RASA2: variants seen among roughly 807,000 people sequenced by gnomAD.
RASA2 encodes the protein RAS p21 protein activator 2.
RASA2 carries 155 observed loss-of-function variants against 118.2 expected under a neutral mutation model. That is an observed-to-expected ratio of 1.31 (90% CI 1.15 to 1.50). The LOEUF (loss-of-function observed/expected upper bound fraction) is 1.50. Among genes scored for constraint, RASA2 ranks in the 40% most tolerant of loss-of-function variants. The pLI is 0.00. For synonymous variants in RASA2, 353 were observed against 349.1 expected, an observed-to-expected ratio of 1.01 and a Z score of -0.12; for missense variants, 1,016 against 1,009.6, an observed-to-expected ratio of 1.01 and a Z score of -0.09.
At chr3:141,573,007 T>C (rs2082948838) in intron 12 of RASA2, 140 bp from the exon 13 acceptor site, 2 of 723,518 alleles carry the variant, frequency 2.8e-6, no homozygotes, top group Non-Finnish European at 4.4e-6. Context: ...AAATTGTATA[T>C]GTTATCCCTG....
chr3:141,609,821 T>C (rs1311653872), intron 22 of RASA2, 56 bp from the exon 23 acceptor site: 8 of 1,439,644 alleles, frequency 5.6e-6, no homozygotes, highest in Non-Finnish European at 7.4e-6. Context: ...GTACTACATA[T>C]TGCATTTATA....
chr3:141,554,191 A>C (rs2082615348), intron 6 of RASA2, among the ~76,000 whole-genome samples: 1 of 152,226 alleles, frequency 6.6e-6, no homozygotes, highest in South Asian at 2.1e-4. Context: ...CTTCAGTTTT[A>C]TACTAGTACA....
At chr3:141,541,314 A>T (rs929859402) in intron 5 of RASA2, among the ~76,000 whole-genome samples, 25 of 152,086 alleles carry the variant, frequency 1.6e-4, no homozygotes, top group Non-Finnish European at 3.1e-4. Context: ...TAGAGTAGAT[A>T]TTACTCTCCT....
chr3:141,602,735 A>T (rs892283927), intron 19 of RASA2, among the ~76,000 whole-genome samples: 2 of 152,176 alleles, frequency 1.3e-5, no homozygotes, highest in African/African-American at 4.8e-5. Context: ...CAACAAATGA[A>T]TTGAGCAGGC....
chr3:141,510,879 G>C (rs1009918774), intron 1 of RASA2, among the ~76,000 whole-genome samples: 1 of 152,236 alleles, frequency 6.6e-6, no homozygotes, highest in Non-Finnish European at 1.5e-5. Context: ...AAGTGAAATG[G>C]TGTGGTATTG....
chr3:141,560,945 T>G (rs2082721680), intron 9 of RASA2, among the ~76,000 whole-genome samples: 2 of 152,204 alleles, frequency 1.3e-5, no homozygotes, highest in African/African-American at 4.8e-5. Context: ...CCTAGAGCAG[T>G]TATCACTTGT....
chr3:141,601,048 C>T (rs1481764856), intron 19 of RASA2, among the ~76,000 whole-genome samples: 3 of 152,006 alleles, frequency 2.0e-5, no homozygotes, highest in South Asian at 4.1e-4. Context: ...AAAGAAAAGG[C>T]TTTTTAACAT....
At position 141,555,906 on chromosome 3, in the gene RASA2, T is replaced by A. The variant is rs774825961; in HGVS notation, c.678T>A (p.Tyr226Ter). The change falls in exon 7 of 24, where the codon TAT (tyrosine) becomes TAA (stop). Residue 226 changes from tyrosine (Y) to a stop codon, truncating the protein, a stop_gained. Coordinates refer to ENST00000286364, the MANE Select transcript of RASA2 (RefSeq NM_006506.5). LOFTEE classifies it high-confidence loss of function. Reference sequence around the variant, plus strand: ...ATCCGCAGTTTAATGAAATCTTTTATTTTGAGGTAATTTTTTGTTTTACGT... The same window carrying A: ...ATCCGCAGTTTAATGAAATCTTTTAATTTGAGGTAATTTTTTGTTTTACGT... ...TSNPQFNEIFYFEVTRSSSYT... is the reference protein window; with the variant it reads ...TSNPQFNEIF The A allele has an allele frequency of 6.2e-7, 1 of 1,605,222 alleles. No individual in the cohort carries two copies.
Position 141,580,069 on chromosome 3 carries a change from GA to G in RASA2, c.1591-282del, listed in dbSNP as rs1165547118. 0.048 allele frequency among the ~76,000 whole-genome samples: 3,202 copies of G among 67,204 alleles called. 58 individuals are homozygous for G. Among genetic ancestry groups the G allele is most frequent in the South Asian group, 0.084 (121 of 1,438 alleles). The allele number at this position is 67,204 out of a possible 152,430, so 44.1% of individuals were successfully genotyped here. On this transcript the variant is annotated intron_variant, in intron 15 of 23. Transcript: ENST00000286364. ...AGACTCCATCTCAGGAAAAAAAAAA[GA>G]AAAAAAAAAAAAAAAATATATATAT... is the stretch of plus-strand genomic sequence containing the variant.
intron 1 of RASA2, among the ~76,000 whole-genome samples, chr3:141,501,645 T>C (rs1315506760): frequency 6.6e-6 from 1 of 152,230 alleles, no homozygotes; most frequent in Non-Finnish European, 1.5e-5. Flanking sequence ...TATATGTTTT[T>C]ATAATTATGC....
intron 1 of RASA2, among the ~76,000 whole-genome samples, chr3:141,487,922 C>T (rs1252510432): frequency 1.3e-5 from 2 of 152,186 alleles, no homozygotes; most frequent in Non-Finnish European, 2.9e-5. Flanking sequence ...ACAGGCGGGA[C>T]TAAAGGCAGG....
At chr3:141,556,028 A>G (rs1326229649) in intron 7 of RASA2, 116 bp downstream of exon 7, 4 of 787,786 alleles carry the variant, frequency 5.1e-6, no homozygotes, top group South Asian at 3.5e-5. Context: ...GCAGATAAGC[A>G]TTTCTCTCCT....
chr3:141,593,331 G>A (rs569309277), intron 19 of RASA2, among the ~76,000 whole-genome samples: 1 of 152,252 alleles, frequency 6.6e-6, no homozygotes, highest in South Asian at 2.1e-4. Flanking sequence ...ACAGGCATGA[G>A]CCACTGCGCC....
intron 11 of RASA2, 28 bp from the exon 12 acceptor site, chr3:141,572,581 C>T (rs979247851): frequency 8.7e-6 from 13 of 1,493,786 alleles, no homozygotes; most frequent in South Asian, 1.1e-5. Flanking sequence ...TTGTTTACTA[C>T]ATTTGGTTTC....
chr3:141,591,622 C>T, intron 19 of RASA2, among the ~76,000 whole-genome samples: 1 of 152,172 alleles, frequency 6.6e-6, no homozygotes. Context: ...GCCAGGCATA[C>T]TAATTCATCT....
rs148893309 is a variant in RASA2, at chr3:141,600,132, G to A, written c.1934-7546G>A. 677 of 279,020 alleles carry A rather than the reference G, an allele frequency of 2.4e-3. 6 individuals carry two copies. The highest frequency in any genetic ancestry group is 0.014 in the African/African-American group (606 of 43,864). The allele number at this position is 279,020 out of a possible 1,614,324, so 17.3% of individuals were successfully genotyped here. On this transcript the variant is annotated intron_variant, in intron 19 of 23. Transcript: ENST00000286364. ...GGAATGAAGTTTTCCCAAAGCTGCAGTGTGAAAAGACTAAAAACAGTTGAC... is the reference window on the plus strand; with the variant it reads ...GGAATGAAGTTTTCCCAAAGCTGCAATGTGAAAAGACTAAAAACAGTTGAC...
At chr3:141,585,990 C>A (rs1450466900) in intron 17 of RASA2, 35 bp from the exon 18 acceptor site, 3 of 1,527,508 alleles carry the variant, frequency 2.0e-6, no homozygotes, top group African/African-American at 2.8e-5. Context: ...TGTACCTTAT[C>A]ACACAGTGTA....
chr3:141,515,825 G>A (rs1225191645), intron 2 of RASA2, among the ~76,000 whole-genome samples: 1 of 151,244 alleles, frequency 6.6e-6, no homozygotes, highest in East Asian at 1.9e-4. Flanking sequence ...GCTTGAACCT[G>A]GGAGCTGGAG....
intron 1 of RASA2, among the ~76,000 whole-genome samples, chr3:141,493,936 G>A (rs1577633265): frequency 6.6e-6 from 1 of 152,074 alleles, no homozygotes; most frequent in East Asian, 1.9e-4. Flanking sequence ...ACATTTTTCT[G>A]TATCTTGCTT....
Sources: gnomAD v4.1 joint callset for allele counts (sites outside exome capture counted in the v4.1 genomes callset) on GRCh38, gnomAD v4.1.1 for gene constraint, MANE v1.5 for transcripts, NCBI Gene and HGNC (gene_info 2026-07-23, HGNC 2026-07-21) for gene names.